Variants in PCNX1 observed in about 807,000 individuals in gnomAD.
The protein encoded by PCNX1 is pecanex-like protein 1.
A neutral mutation model predicts 242.2 loss-of-function variants in PCNX1; 78 were observed. The observed-to-expected ratio is 0.32, with a 90% CI of 0.27 to 0.39. PCNX1 has a LOEUF of 0.39. Among genes scored for constraint, PCNX1 ranks in the 10% least tolerant of loss-of-function variants. The pLI is 1.00. For synonymous variants in PCNX1, 1,024 were observed against 1,032.9 expected, an observed-to-expected ratio of 0.99 and a Z score of 0.17; for missense variants, 2,581 against 2,856.5, an observed-to-expected ratio of 0.90 and a Z score of 2.20.
At chr14:71,008,636 A>G (rs1352964493) in intron 8 of PCNX1, among the ~76,000 whole-genome samples, 1 of 140,948 alleles carries the variant, frequency 7.1e-6, no homozygotes, top group East Asian at 2.1e-4. Context: ...AGCCTGGGTG[A>G]CAGAGCGAGA....
At chr14:70,929,892 TTA>T (rs1421978394) in intron 1 of PCNX1, among the ~76,000 whole-genome samples, 6 of 152,234 alleles carry the variant, frequency 3.9e-5, no homozygotes, top group Non-Finnish European at 8.8e-5. Flanking sequence ...AACATTTTAA[TTA>T]TGAGGACATT....
At chr14:70,948,913 ATATATGTG>A (rs1329447443) in intron 2 of PCNX1, among the ~76,000 whole-genome samples, 1 of 148,232 alleles carries the variant, frequency 6.7e-6, no homozygotes, top group Non-Finnish European at 1.5e-5. Flanking sequence ...GTATATACGT[ATATATGTG>A]TATATATGTA....
intron 1 of PCNX1, among the ~76,000 whole-genome samples, chr14:70,940,859 C>T (rs2057211221): frequency 6.6e-6 from 1 of 152,130 alleles, no homozygotes; most frequent in Non-Finnish European, 1.5e-5. Context: ...CTTCTCTTCT[C>T]ACTTCATTTC....
intron 7 of PCNX1, among the ~76,000 whole-genome samples, chr14:70,992,510 T>A (rs1057214961): frequency 1.3e-5 from 2 of 152,074 alleles, no homozygotes; most frequent in Non-Finnish European, 2.9e-5. Context: ...ATCATACTCT[T>A]AGACTTTACA....
At chr14:71,078,920 A>G (rs1167634904) in intron 28 of PCNX1, among the ~76,000 whole-genome samples, 1 of 152,110 alleles carries the variant, frequency 6.6e-6, no homozygotes, top group East Asian at 1.9e-4. Flanking sequence ...TGGCATGGGT[A>G]TACACATGCC....
At position 71,048,824 on chromosome 14, in the gene PCNX1, G is replaced by A. The variant is rs74551243; in HGVS notation, c.4338+840G>A. On this transcript the variant is annotated intron_variant, in intron 22 of 35. Coordinates refer to ENST00000304743, the MANE Select transcript of PCNX1 (RefSeq NM_014982.3). Reference sequence around the variant, plus strand: ...TAATGACAGTAATTCAGATGTGATAGTAGTCTGATCTAGGATGGGGAACAG... The same window carrying A: ...TAATGACAGTAATTCAGATGTGATAATAGTCTGATCTAGGATGGGGAACAG... Among the ~76,000 whole-genome samples, 467 of 152,240 alleles carry A rather than the reference G, an allele frequency of 3.1e-3. 5 individuals are homozygous for A. Among genetic ancestry groups the A allele is most frequent in the African/African-American group, 0.011 (448 of 41,548 alleles).
intron 12 of PCNX1, among the ~76,000 whole-genome samples, chr14:71,021,945 T>C (rs914548797): frequency 2.6e-5 from 4 of 152,206 alleles, no homozygotes; most frequent in Non-Finnish European, 4.4e-5. Flanking sequence ...TTGCTTTATT[T>C]GTTGCCTTTG....
intron 27 of PCNX1, among the ~76,000 whole-genome samples, chr14:71,073,999 A>T (rs1159495007): frequency 6.6e-6 from 1 of 152,170 alleles, no homozygotes; most frequent in Non-Finnish European, 1.5e-5. Flanking sequence ...ACTGGAATTC[A>T]TTCTATTCAT....
intron 8 of PCNX1, among the ~76,000 whole-genome samples, chr14:70,997,535 A>T (rs567715684): frequency 1.3e-5 from 2 of 152,256 alleles, no homozygotes; most frequent in Admixed American, 6.5e-5. Flanking sequence ...AGTTCTGAAG[A>T]TTGAAAAAAC....
intron 5 of PCNX1, among the ~76,000 whole-genome samples, chr14:70,972,845 TATG>T (rs2058581916): frequency 1.3e-5 from 2 of 152,178 alleles, no homozygotes; most frequent in Admixed American, 6.6e-5. Context: ...CCCATGGGAA[TATG>T]AGGGCTGGGT....
chr14:71,009,600 T>G, intron 8 of PCNX1, 34 bp from the exon 9 acceptor site: 1 of 1,295,418 alleles, frequency 7.7e-7, no homozygotes, highest in South Asian at 1.4e-5. Flanking sequence ...CTGAGTATTC[T>G]AATGGCTTTT....
rs2062782010 is a variant in PCNX1, at chr14:71,112,961, C to T, written c.*3026C>T. On this transcript the variant is annotated 3_prime_UTR_variant, in exon 36 of 36. Transcript: ENST00000304743. ...AGTGGCAAAAAACATTTTATAACTC[C>T]TAAGTTTTTGGTTAATCTTCCAACT... 1 of 152,022 alleles carries T rather than the reference C, an allele frequency of 6.6e-6. No homozygotes were observed. The highest frequency in any genetic ancestry group is 2.4e-5 in the African/African-American group (1 of 41,388). 9.4% of individuals were successfully genotyped at this position (152,022 alleles called of 1,614,324 possible). A position where few individuals can be genotyped will look rare whatever the true frequency, so the allele number is the denominator to read the frequency against.
In PCNX1 at chr14:70,958,644, G is replaced by A. The variant is rs561857825; in HGVS notation, c.363-3582G>A. 2.1e-3 allele frequency among the ~76,000 whole-genome samples: 327 copies of A among 152,186 alleles called. 5 individuals carry two copies. In the Middle Eastern group the frequency reaches 0.041, roughly 19 times the overall value. ...TATAAGATGGCTGCAGCACCTCCAGGCCTTAAGTCTCAACATTAAGAGTAG... is the reference window on the plus strand; with the variant it reads ...TATAAGATGGCTGCAGCACCTCCAGACCTTAAGTCTCAACATTAAGAGTAG... On this transcript the variant is annotated intron_variant, in intron 2 of 35. Coordinates refer to ENST00000304743, the MANE Select transcript of PCNX1 (RefSeq NM_014982.3).
intron 7 of PCNX1, among the ~76,000 whole-genome samples, chr14:70,993,382 C>T (rs973528684): frequency 6.6e-6 from 1 of 152,006 alleles, no homozygotes; most frequent in Non-Finnish European, 1.5e-5. Context: ...CCCGCCTTGG[C>T]CTCCCAAAGT....
chr14:70,944,034 G>C (rs747287180), intron 1 of PCNX1, among the ~76,000 whole-genome samples: 5 of 152,254 alleles, frequency 3.3e-5, no homozygotes, highest in Admixed American at 6.5e-5. Context: ...CTGCTGCAGT[G>C]GTGGAGCCCT....
At chr14:71,037,150 C>A (rs1244104059) in intron 19 of PCNX1, among the ~76,000 whole-genome samples, 1 of 151,404 alleles carries the variant, frequency 6.6e-6, no homozygotes. Context: ...TATCCTGAGA[C>A]TTTGCTGAAG....
rs530621342 is a variant in PCNX1 at position 71,115,211 on chromosome 14, C to T, written c.*5276C>T. 1.0e-3 allele frequency: 157 copies of T among 152,528 alleles called. 2 individuals carry two copies. The highest frequency in any genetic ancestry group is 0.01 in the Admixed American group (157 of 15,274). The allele number at this position is 152,528 out of a possible 1,614,324, so 9.4% of individuals were successfully genotyped here. ...CCAGAGATAAGGACATATGTACTTA[C>T]GTGTGTCTGTGAGTGTGTGTGTGTC... On this transcript the variant is annotated 3_prime_UTR_variant, in exon 36 of 36. Transcript: ENST00000304743.
intron 1 of PCNX1, among the ~76,000 whole-genome samples, chr14:70,919,560 A>G (rs913224431): frequency 1.3e-5 from 2 of 152,164 alleles, no homozygotes; most frequent in Admixed American, 1.3e-4. Context: ...TATGGAGAAG[A>G]GAAGATTACA....
chr14:71,024,352 G>A (rs991661036), intron 13 of PCNX1, among the ~76,000 whole-genome samples: 3 of 152,056 alleles, frequency 2.0e-5, no homozygotes, highest in Non-Finnish European at 4.4e-5. Flanking sequence ...GCAATAGAAA[G>A]TCCTTGATTA....
Sources: gnomAD v4.1 joint callset for allele counts (sites outside exome capture counted in the v4.1 genomes callset) on GRCh38, gnomAD v4.1.1 for gene constraint, MANE v1.5 for transcripts, NCBI Gene and HGNC (gene_info 2026-07-23, HGNC 2026-07-21) for gene names.